The following CDK12 variants were observed in gnomAD, a reference collection of about 807,000 sequenced individuals.
The protein encoded by CDK12 is cyclin-dependent kinase 12.
A neutral mutation model predicts 133.8 loss-of-function variants in CDK12; 17 were observed. That is an observed-to-expected ratio of 0.13 (90% confidence interval 0.09 to 0.19). CDK12 has a LOEUF of 0.19. CDK12 is among the 10% of genes least tolerant of loss of function. CDK12 has a pLI of 1.00. For missense variants in CDK12, 1,508 were observed against 1,818.7 expected, an observed-to-expected ratio of 0.83 and a Z score of 3.11; for synonymous variants, 694 against 683.6, an observed-to-expected ratio of 1.02 and a Z score of -0.24.
At chr17:39,503,954 A>G (rs996807950) in intron 6 of CDK12, among the ~76,000 whole-genome samples, 5 of 152,224 alleles carry the variant, frequency 3.3e-5, no homozygotes, top group Non-Finnish European at 7.3e-5. Flanking sequence ...GTTTATGCCG[A>G]TAAACTGGAG....
chr17:39,488,171 C>T (rs1423474699), intron 2 of CDK12, among the ~76,000 whole-genome samples: 1 of 151,504 alleles, frequency 6.6e-6, no homozygotes, highest in African/African-American at 2.4e-5. Context: ...GAAATTGAGG[C>T]TGCAGTGAGC....
intron 4 of CDK12, among the ~76,000 whole-genome samples, chr17:39,493,928 G>A (rs528129585): frequency 1.3e-5 from 2 of 152,120 alleles, no homozygotes; most frequent in African/African-American, 4.8e-5. Context: ...CCTAGTAGGC[G>A]GAGGTTGCAA....
At chr17:39,480,145 A>G (rs1253022545) in intron 2 of CDK12, among the ~76,000 whole-genome samples, 4 of 151,900 alleles carry the variant, frequency 2.6e-5, no homozygotes, top group African/African-American at 7.3e-5. Context: ...GCTGATTGCA[A>G]TCTCCTGACT....
intron 11 of CDK12, among the ~76,000 whole-genome samples, chr17:39,521,880 A>G (rs957385255): frequency 3.3e-4 from 48 of 145,610 alleles, no homozygotes; most frequent in African/African-American, 9.2e-4. Context: ...TTTTTTTCCA[A>G]TTGTAGAAAT....
At chr17:39,471,948 T>G (rs1396937200) in intron 2 of CDK12, among the ~76,000 whole-genome samples, 185 bp downstream of exon 2, 1 of 152,194 alleles carries the variant, frequency 6.6e-6, no homozygotes, top group African/African-American at 2.4e-5. Context: ...TGAGGCCTGG[T>G]TAACCCATTT....
chr17:39,468,636 C>T (rs1480846237), intron 1 of CDK12, among the ~76,000 whole-genome samples: 2 of 151,598 alleles, frequency 1.3e-5, no homozygotes, highest in African/African-American at 4.8e-5. Context: ...TCACCATGCC[C>T]GGCTAATTTT....
chr17:39,521,947 C>T (rs892300537), intron 11 of CDK12, among the ~76,000 whole-genome samples: 6 of 151,728 alleles, frequency 4.0e-5, no homozygotes, highest in East Asian at 1.9e-4. Context: ...GTGATTCTCC[C>T]GCCTCAGCCT....
chr17:39,504,840 A>T (rs989506496), intron 6 of CDK12, among the ~76,000 whole-genome samples: 3 of 132,790 alleles, frequency 2.3e-5, no homozygotes, highest in African/African-American at 5.6e-5. Context: ...GATTGCCACC[A>T]CTGCACTCCA....
intron 2 of CDK12, among the ~76,000 whole-genome samples, chr17:39,485,862 G>C (rs1165087139): frequency 1.3e-5 from 2 of 151,942 alleles, no homozygotes; most frequent in Non-Finnish European, 2.9e-5. Flanking sequence ...GACACAGCAA[G>C]ATCCTGTCTC....
At chr17:39,490,956 C>T (rs973416674) in intron 3 of CDK12, among the ~76,000 whole-genome samples, 2 of 152,090 alleles carry the variant, frequency 1.3e-5, no homozygotes, top group African/African-American at 2.4e-5. Flanking sequence ...CAGAAAATTC[C>T]CAAATCCAGA....
chr17:39,554,407 T>C (rs1232855824), intron 2 of CDK12, among the ~76,000 whole-genome samples: 8 of 152,132 alleles, frequency 5.3e-5, no homozygotes, highest in Non-Finnish European at 1.0e-4. Flanking sequence ...AGTGTCGATT[T>C]CCTCCTCCCT....
chr17:39,516,388 G>A (rs2053805991), intron 9 of CDK12, among the ~76,000 whole-genome samples: 1 of 150,892 alleles, frequency 6.6e-6, no homozygotes, highest in Admixed American at 6.6e-5. Context: ...ACAGGGTCTC[G>A]CTCTGTCACC....
chr17:39,554,675 T>C (rs530381687), intron 2 of CDK12, among the ~76,000 whole-genome samples: 1 of 151,754 alleles, frequency 6.6e-6, no homozygotes, highest in East Asian at 1.9e-4. Context: ...GGTCAGGAGA[T>C]AGAGACCCTC....
intron 9 of CDK12, among the ~76,000 whole-genome samples, chr17:39,516,214 T>C (rs575166749): frequency 6.6e-6 from 1 of 152,298 alleles, no homozygotes; most frequent in East Asian, 1.9e-4. Context: ...TTTAGTAAGG[T>C]ATATAGCATG....
At chr17:39,510,417 C>T (rs964184713) in intron 7 of CDK12, among the ~76,000 whole-genome samples, 3 of 151,954 alleles carry the variant, frequency 2.0e-5, no homozygotes, top group South Asian at 2.1e-4. Flanking sequence ...CCACTGCGTC[C>T]GGCCAAGAAT....
At chr17:39,564,285 G>A (rs1297429064) in intron 3 of CDK12, among the ~76,000 whole-genome samples, 1 of 152,166 alleles carries the variant, frequency 6.6e-6, no homozygotes, top group South Asian at 2.1e-4. Flanking sequence ...GTCAGAGAAG[G>A]GAGTCTATGA....
chr17:39,542,806 A>G (rs2055493225), intron 1 of CDK12, among the ~76,000 whole-genome samples: 1 of 152,232 alleles, frequency 6.6e-6, no homozygotes, highest in African/African-American at 2.4e-5. Context: ...CACTGCACCC[A>G]GTCTAAGAAT....
chr17:39,464,299 C>A (rs2144951982), intron 1 of CDK12, among the ~76,000 whole-genome samples: 1 of 151,996 alleles, frequency 6.6e-6, no homozygotes, highest in African/African-American at 2.4e-5. Flanking sequence ...TGGCTCACTG[C>A]AGCCTTGACT....
Position 39,462,908 on chromosome 17 carries a change from C to T in CDK12, c.837C>T (p.Tyr279=). The T allele has an allele frequency of 6.2e-7, 1 of 1,614,202 alleles. No individual in the cohort carries two copies. Among genetic ancestry groups the T allele is most frequent in the Admixed American group, 1.7e-5 (1 of 60,024 alleles). The change falls in exon 1 of 14, where the codon TAC becomes TAT. Residue 279 remains tyrosine (Y), a synonymous_variant. Coordinates refer to ENST00000447079, the MANE Select transcript of CDK12 (RefSeq NM_016507.4). The stretch of plus-strand genomic sequence containing the variant: ...GAAGGCAGTCGGTCAGTCCCCCTTA[C>T]AAGGAGCCTTCGGCCTACCAGTCCA... ...TSRRQSVSPP[Y]KEPSAYQSST... is the part of the protein sequence containing the mutation.
Sources: allele counts gnomAD v4.1 joint callset (sites outside exome capture counted in the v4.1 genomes callset), GRCh38; gene constraint gnomAD v4.1.1; transcripts MANE v1.5; gene names NCBI Gene and HGNC (gene_info 2026-07-23, HGNC 2026-07-21).